STXBP2: variants seen among roughly 807,000 people sequenced by gnomAD.
STXBP2 encodes the protein syntaxin-binding protein 2.
Under a neutral mutation model 72.2 loss-of-function variants are expected in STXBP2, and 47 were observed. That is an observed-to-expected ratio of 0.65 (90% CI 0.51 to 0.83). STXBP2 has a LOEUF of 0.83. Among genes scored for constraint, STXBP2 ranks in the 40% least tolerant of loss-of-function variants. STXBP2 has a pLI of 0.00. For synonymous variants in STXBP2, 367 were observed against 338.7 expected (o/e 1.08, Z -0.92); for missense variants, 702 against 807.6 (o/e 0.87, Z 1.58).
At chr19:7,632,822 G>C, upstream of STXBP2, 1 of 1,551,996 alleles carries the variant, frequency 6.4e-7, no homozygotes, top group Non-Finnish European at 8.7e-7. The surrounding 1 kb of genome is among the most constrained non-coding windows in gnomAD (Gnocchi z 5.2). Flanking sequence ...CCTGGTCTGG[G>C]GAGCCCGCCT....
At chr19:7,631,460 TCTC>T in the STXBP2 span, 576 of 1,533,024 alleles carry the variant, frequency 3.8e-4, no homozygotes, top group Non-Finnish European at 4.9e-4. Flanking sequence ...CCCACCCGCT[TCTC>T]CACCCCTAGC....
rs2031935447 is a variant in STXBP2 at position 7,642,553 on chromosome 19, A to G, written c.902+17A>G. ...TGTGTCCAAGTGCGTGCACACGGGGACCGGATCCCCCCCCCACCGCCCACT... is the reference window on the plus strand; with the variant it reads ...TGTGTCCAAGTGCGTGCACACGGGGGCCGGATCCCCCCCCCACCGCCCACT... On this transcript the variant is annotated intron_variant, in intron 10 of 18. Coordinates refer to ENST00000221283, the MANE Select transcript of STXBP2 (RefSeq NM_006949.4). The surrounding 1 kb of genome is among the most constrained non-coding windows in gnomAD (Gnocchi z 6.0). The G allele has an allele frequency of 6.2e-7, 1 of 1,611,802 alleles. No individual in the cohort carries two copies. The highest frequency in any genetic ancestry group is 1.7e-5 in the Admixed American group (1 of 59,742).
chr19:7,632,140 T>C, upstream of STXBP2: 1 of 613,926 alleles, frequency 1.6e-6, no homozygotes, highest in Non-Finnish European at 2.8e-6. The surrounding 1 kb of genome is among the most constrained non-coding windows in gnomAD (Gnocchi z 5.2). Flanking sequence ...TTTTCTCCCT[T>C]TGGCCTCCCC....
At chr19:7,637,384 A>G (rs1180369009) in intron 1 of STXBP2, among the ~76,000 whole-genome samples, 198 bp downstream of exon 1, 1 of 152,064 alleles carries the variant, frequency 6.6e-6, no homozygotes, top group African/African-American at 2.4e-5. Flanking sequence ...AGAACAGAAC[A>G]AAATTGGGGG....
chr19:7,642,608 G>A lies in STXBP2; in HGVS notation c.902+72G>A. The stretch of plus-strand genomic sequence containing the variant: ...GCCTGGTAGCGGCCTTGGGATCCCT[G>A]GCTGCTGCCAAGTCTTTGGCCCTCA... On this transcript the variant is annotated intron_variant, in intron 10 of 18. Coordinates refer to ENST00000221283, the MANE Select transcript of STXBP2 (RefSeq NM_006949.4). This position sits in a 1 kb window ranked among gnomAD's most constrained non-coding sequence, Gnocchi z 6.0. 1 of 1,580,508 alleles carries A rather than the reference G, an allele frequency of 6.3e-7. No homozygotes were observed. Among genetic ancestry groups the A allele is most frequent in the Non-Finnish European group, 8.7e-7 (1 of 1,150,656 alleles).
chr19:7,646,424 G>A, intron 16 of STXBP2, 80 bp downstream of exon 16: 1 of 1,294,700 alleles, frequency 7.7e-7, no homozygotes, highest in Non-Finnish European at 1.1e-6. Flanking sequence ...GAGGTGCTAA[G>A]CCTCAGGGCT....
rs1288587327 is a variant in STXBP2, at chr19:7,647,519, A to G, written c.1696+8A>G. The G allele has an allele frequency of 6.3e-7, 1 of 1,588,276 alleles. No individual in the cohort carries two copies. The highest frequency in any genetic ancestry group is 1.8e-5 in the Admixed American group (1 of 55,916). On this transcript the variant is annotated splice_region_variant and intron_variant, in intron 18 of 18. Coordinates refer to ENST00000221283, the MANE Select transcript of STXBP2 (RefSeq NM_006949.4). ...AGTGGGAGGTGCTCATTGGTAAGTC[A>G]CCAGGACTGGGACCCTGGGGTCTGG...
upstream of STXBP2, chr19:7,632,862 C>G (rs1200387416): frequency 1.3e-6 from 2 of 1,539,426 alleles, no homozygotes; most frequent in East Asian, 2.4e-5. The surrounding 1 kb of genome is among the most constrained non-coding windows in gnomAD (Gnocchi z 5.2). Context: ...CTGGTTGGCC[C>G]TTCAGCTTGG....
rs2146217637 is a variant in STXBP2, at chr19:7,642,209, G to A, written c.670G>A (p.Glu224Lys). 8 of 1,614,166 alleles carry A rather than the reference G, an allele frequency of 5.0e-6. No individual in the cohort carries two copies. The highest frequency in any genetic ancestry group is 6.8e-6 in the Non-Finnish European group (8 of 1,180,018). ...ADTPSLGEGPEKTRSQLLIMD... is the reference protein window; with the variant it reads ...ADTPSLGEGPKKTRSQLLIMD... ...GCCCTAAACCCCACCCCAGGGCCCA[G>A]AGAAAACCCGCTCCCAGCTGCTGAT... The change falls in exon 9 of 19, where the codon GAG becomes AAG. Residue 224 changes from glutamate to lysine, a missense_variant. Glu to Lys is a moderately conservative substitution (Grantham distance 56, BLOSUM62 1). Coordinates refer to ENST00000221283, the MANE Select transcript of STXBP2 (RefSeq NM_006949.4). This position sits in a 1 kb window ranked among gnomAD's most constrained non-coding sequence, Gnocchi z 6.0.
intron 6 of STXBP2, chr19:7,641,239 G>A (rs1479233304): frequency 1.4e-5 from 8 of 581,284 alleles, no homozygotes; most frequent in East Asian, 3.2e-5. Flanking sequence ...GCGTGGTGGC[G>A]TGCACCTGTA....
Position 7,643,173 on chromosome 19 carries a change from G to A in STXBP2, c.1035G>A (p.Thr345=), listed in dbSNP as rs761659137. The change falls in exon 13 of 19, where the codon ACG becomes ACA. Residue 345 remains threonine, a synonymous_variant. Coordinates refer to ENST00000221283, the MANE Select transcript of STXBP2 (RefSeq NM_006949.4). ...QYQKELNKYS[T]HLHLADDCMK... is the part of the protein sequence containing the mutation. The stretch of plus-strand genomic sequence containing the variant: ...CACCCTGCACCCTGCAGTATTCTAC[G>A]CACCTGCATCTAGCAGATGATTGTA... 14 of 1,613,882 alleles carry A rather than the reference G, an allele frequency of 8.7e-6. No individual in the cohort carries two copies. Among genetic ancestry groups the A allele is most frequent in the East Asian group, 4.5e-5 (2 of 44,908 alleles).
chr19:7,631,409 T>TGGGGGGGGGGGGGGGGGGGGGGGGGGG, the STXBP2 span: 8 of 639,584 alleles, frequency 1.3e-5, no homozygotes, highest in South Asian at 3.1e-5. Flanking sequence ...CGGGGGGGGG[T>TGGGGGGGGGGGGGGGGGGGGGGGGGGG]GGTCCCGGCT....
chr19:7,631,405 G>C, the STXBP2 span: 6 of 1,043,796 alleles, frequency 5.7e-6, no homozygotes, highest in Non-Finnish European at 8.2e-6. Flanking sequence ...TGGGCGGGGG[G>C]GGGTGGTCCC....
chr19:7,640,010 GTC>G (rs1365065339), intron 4 of STXBP2: 6 of 685,310 alleles, frequency 8.8e-6, no homozygotes, highest in Admixed American at 4.3e-5. Context: ...CTATGTATGT[GTC>G]TGTGTGCATG....
rs112040667 is a variant in STXBP2 at position 7,637,488 on chromosome 19, G to T, written c.37+302G>T. On this transcript the variant is annotated intron_variant, in intron 1 of 18. Transcript: ENST00000221283. ...TCCTAGGGTGCCTGCCGGGGGAGGA[G>T]GGCACAGCTGGATGCCCACACTCTA... is the stretch of plus-strand genomic sequence containing the variant. Among the ~76,000 whole-genome samples, 237 of 152,158 alleles carry T rather than the reference G, an allele frequency of 1.6e-3. 2 individuals carry two copies. The highest frequency in any genetic ancestry group is 2.7e-3 in the Non-Finnish European group (185 of 67,922).
chr19:7,629,843 A>ATTC, the STXBP2 span: 1 of 1,535,984 alleles, frequency 6.5e-7, no homozygotes, highest in Non-Finnish European at 8.7e-7. Context: ...GATGGGGGTG[A>ATTC]AGCTGGAGAT....
In STXBP2 at chr19:7,637,185, A is replaced by C. The variant is rs765466426; in HGVS notation, c.36A>C (p.Glu12Asp). 8.0e-7 allele frequency: 1 copy of C among 1,243,358 alleles called. No individual in the cohort carries two copies. Among genetic ancestry groups the C allele is most frequent in the African/African-American group, 1.6e-5 (1 of 64,438 alleles). The allele number at this position is 1,243,358 out of a possible 1,614,324, so 77.0% of individuals were successfully genotyped here. The change falls in exon 1 of 19, where the codon GAA becomes GAC. Residue 12 changes from glutamate (E) to aspartate (D), a missense_variant and splice_region_variant. Physicochemically the swap from Glu to Asp is conservative, Grantham distance 45 (BLOSUM62 2). Coordinates refer to ENST00000221283, the MANE Select transcript of STXBP2 (RefSeq NM_006949.4). ...APSGLKAVVG[E>D]KILSGVIRSV... ...CGGGGCTGAAGGCGGTGGTGGGGGA[A>C]AGTGAGTGCCTCTCCGGGGCCGGGC...
At chr19:7,631,204 G>T in the STXBP2 span, 1 of 1,357,518 alleles carries the variant, frequency 7.4e-7, no homozygotes, top group Non-Finnish European at 9.6e-7. Flanking sequence ...GTGAGACTTT[G>T]TCTCAAAAAG....
intron 4 of STXBP2, 84 bp downstream of exon 4, chr19:7,639,891 C>A (rs570420338): frequency 1.5e-5 from 21 of 1,393,794 alleles, no homozygotes; most frequent in Admixed American, 5.7e-5. Context: ...CATGTGATTG[C>A]ATGTGTGCAT....
Sources: allele counts gnomAD v4.1 joint callset (sites outside exome capture counted in the v4.1 genomes callset), GRCh38; gene constraint gnomAD v4.1.1; non-coding constraint Gnocchi (gnomAD v3.1); transcripts MANE v1.5; gene names NCBI Gene and HGNC (gene_info 2026-07-23, HGNC 2026-07-21).